NF1: variants seen among roughly 807,000 people sequenced by gnomAD.
NF1 encodes neurofibromin 1, also known as neurofibromin.
Under a neutral mutation model 325.7 loss-of-function variants are expected in NF1, and 122 were observed. The observed-to-expected ratio is 0.37, with a 90% CI of 0.32 to 0.44. The LOEUF (loss-of-function observed/expected upper bound fraction) is 0.44. NF1 is among the 20% of genes least tolerant of loss of function. The pLI is 1.00. For synonymous variants in NF1, 1,091 were observed against 1,186.0 expected (o/e 0.92, Z 1.65); for missense variants, 2,140 against 3,415.4 (o/e 0.63, Z 9.31).
intron 1 of NF1, among the ~76,000 whole-genome samples, chr17:31,108,197 T>C (rs888487076): frequency 1.9e-4 from 28 of 150,450 alleles, no homozygotes; most frequent in Non-Finnish European, 3.2e-4. Flanking sequence ...ACCAGTACAG[T>C]ATACCTATCA....
intron 2 of NF1, among the ~76,000 whole-genome samples, 191 bp from the exon 3 acceptor site, chr17:31,158,819 C>T (rs2065712514): frequency 6.6e-6 from 1 of 152,052 alleles, no homozygotes; most frequent in Non-Finnish European, 1.5e-5. Flanking sequence ...AATGCCATTT[C>T]TGTTTGCCTT....
At chr17:31,146,547 G>T (rs1323383894) in intron 1 of NF1, among the ~76,000 whole-genome samples, 1 of 152,180 alleles carries the variant, frequency 6.6e-6, no homozygotes, top group Non-Finnish European at 1.5e-5. Flanking sequence ...CTGCCCTCCT[G>T]CTGCAGGAGA....
intron 29 of NF1, among the ~76,000 whole-genome samples, chr17:31,240,796 T>G (rs2067283469): frequency 6.6e-6 from 1 of 152,182 alleles, no homozygotes; most frequent in African/African-American, 2.4e-5. Flanking sequence ...TGATATCTCA[T>G]TGTAGTTTTG....
Position 31,229,844 on chromosome 17 carries a change from A to G in NF1, c.2860A>G (p.Thr954Ala). 2 of 1,611,708 alleles carry G rather than the reference A, an allele frequency of 1.2e-6. No individual in the cohort carries two copies. The highest frequency in any genetic ancestry group is 1.7e-6 in the Non-Finnish European group (2 of 1,179,674). Residue 954 changes from threonine (T) to alanine (A), a missense_variant, in exon 22 of 58, where the codon ACT (threonine) becomes GCT (alanine). Physicochemically the swap from Thr to Ala is moderately conservative, Grantham distance 58. Transcript: ENST00000358273. ...TTTGTTCTTTCTTTAGGTTTTATTG[A>G]CTGATACCAATACTCAATTTGTAGA... ...FFDSQGQVLL[T>A]DTNTQFVEQT...
intron 31 of NF1, 156 bp downstream of exon 31, chr17:31,253,156 C>A: frequency 1.5e-6 from 1 of 645,594 alleles, no homozygotes; most frequent in South Asian, 1.8e-5. Flanking sequence ...TCAATTAACC[C>A]TGGAATTAAG....
rs897880244 is a variant in NF1 at position 31,337,348 on chromosome 17, G to A, written c.6428-20G>A. The A allele has an allele frequency of 6.4e-7, 1 of 1,571,976 alleles. No homozygotes were observed. Among genetic ancestry groups the A allele is most frequent in the African/African-American group, 1.3e-5 (1 of 74,194 alleles). ...AAAGTAATATTTTCTGTCTTTACTT[G>A]TTCCTTTATTCTCTTACAGAAGAGA... On this transcript the variant is annotated intron_variant, in intron 42 of 57. Transcript: ENST00000358273.
chr17:31,265,191 C>A, intron 35 of NF1, 38 bp from the exon 36 acceptor site: 1 of 1,376,810 alleles, frequency 7.3e-7, no homozygotes, highest in Non-Finnish European at 1.0e-6. Context: ...CAGTAGACAA[C>A]ATAAAGCCTC....
chr17:31,218,324 A>G (rs2066858744), intron 13 of NF1, among the ~76,000 whole-genome samples: 2 of 152,052 alleles, frequency 1.3e-5, no homozygotes, highest in South Asian at 2.1e-4. Flanking sequence ...TTTCATTAGG[A>G]TTTTCCCTGG....
Position 31,222,330 on chromosome 17 carries a change from C to T in NF1, c.1721+401C>T, listed in dbSNP as rs913835877. 6 of 1,038,170 alleles carry T rather than the reference C, an allele frequency of 5.8e-6. No individual in the cohort carries two copies. The African/African-American group carries it at 6.7e-5, about 12-fold the overall frequency. The allele number at this position is 1,038,170 out of a possible 1,614,324, so 64.3% of individuals were successfully genotyped here. A position where few individuals can be genotyped will look rare whatever the true frequency, so the allele number is the denominator to read the frequency against. ...ATCTTTCATAAACTTTCTGTAATAC[C>T]AATGCTTTCGATGAATGAATTAATA... On this transcript the variant is annotated intron_variant, in intron 15 of 57. Coordinates refer to ENST00000358273, the MANE Select transcript of NF1 (RefSeq NM_001042492.3).
At position 31,336,930 on chromosome 17, in the gene NF1, G is replaced by A. The variant is rs1370680461; in HGVS notation, c.6427+16G>A. The A allele has an allele frequency of 1.2e-6, 2 of 1,605,290 alleles. No homozygotes were observed. The highest frequency in any genetic ancestry group is 1.7e-5 in the Admixed American group (1 of 60,006). On this transcript the variant is annotated intron_variant, in intron 42 of 57. Transcript: ENST00000358273. The surrounding 1 kb of genome is among the most constrained non-coding windows in gnomAD (Gnocchi z 5.5). ...CATTTTAGTGGTAAGTTCTAGGAAAGGAATTTGTGTTTACCAGTTCCTTTC... is the reference window on the plus strand; with the variant it reads ...CATTTTAGTGGTAAGTTCTAGGAAAAGAATTTGTGTTTACCAGTTCCTTTC...
chr17:31,216,884 G>C (rs1454283870), intron 13 of NF1, among the ~76,000 whole-genome samples: 1 of 151,996 alleles, frequency 6.6e-6, no homozygotes, highest in Non-Finnish European at 1.5e-5. Flanking sequence ...CCTAGAATCT[G>C]CTTACTCTTA....
At chr17:31,207,909 G>T (rs2066652473) in intron 12 of NF1, among the ~76,000 whole-genome samples, 2 of 152,124 alleles carry the variant, frequency 1.3e-5, no homozygotes, top group Admixed American at 1.3e-4. Flanking sequence ...GGACTTGTTG[G>T]GGGGTTAATA....
chr17:31,103,630 G>A (rs1454147311), intron 1 of NF1, among the ~76,000 whole-genome samples: 1 of 152,126 alleles, frequency 6.6e-6, no homozygotes, highest in African/African-American at 2.4e-5. Context: ...CCAAAGTGCT[G>A]GGATTACAGA....
chr17:31,156,165 T>G lies in NF1; in HGVS notation c.204+39T>G, dbSNP rs539638966. Reference sequence around the variant, plus strand: ...TTACTGTGTTTTGGGGAATTTGCTTTCTTTTCTTTTTGATTAAAAAGTTTA... The same window carrying G: ...TTACTGTGTTTTGGGGAATTTGCTTGCTTTTCTTTTTGATTAAAAAGTTTA... On this transcript the variant is annotated intron_variant, in intron 2 of 57. Transcript: ENST00000358273. 54 of 1,610,562 alleles carry G rather than the reference T, an allele frequency of 3.4e-5. No homozygotes were observed. The South Asian group carries it at 5.8e-4, about 17-fold the overall frequency.
At chr17:31,301,554 C>G (rs1567882080) in intron 36 of NF1, among the ~76,000 whole-genome samples, 1 of 152,080 alleles carries the variant, frequency 6.6e-6, no homozygotes, top group Non-Finnish European at 1.5e-5. Flanking sequence ...AGTTAAAGAT[C>G]ACCCTCATCT....
In NF1 at chr17:31,139,375, GACACACACACACACACAC is replaced by G. The variant is rs58863782; in HGVS notation, c.61-16587_61-16570del. On this transcript the variant is annotated intron_variant, in intron 1 of 57. Coordinates refer to ENST00000358273, the MANE Select transcript of NF1 (RefSeq NM_001042492.3). ...TCTTAGATCTTAAATGTTTTACACAGACACACACACACACACACACACACACACACACACACACGGTAA... is the reference window on the plus strand; with the variant it reads ...TCTTAGATCTTAAATGTTTTACACAGACACACACACACACACACACGGTAA... 3.2e-3 allele frequency among the ~76,000 whole-genome samples: 455 copies of G among 144,172 alleles called. 1 individual carries two copies. Among genetic ancestry groups the G allele is most frequent in the Admixed American group, 0.016 (225 of 14,288 alleles). 94.6% of individuals were successfully genotyped at this position (144,172 alleles called of 152,430 possible). A position where few individuals can be genotyped will look rare whatever the true frequency, so the allele number is the denominator to read the frequency against.
intron 5 of NF1, among the ~76,000 whole-genome samples, chr17:31,176,496 A>T (rs993359534): frequency 2.6e-5 from 4 of 152,134 alleles, no homozygotes; most frequent in Non-Finnish European, 4.4e-5. Context: ...TGCTATGCAG[A>T]AGCTCTTTAG....
At chr17:31,302,743 G>GC (rs1192131252) in intron 36 of NF1, among the ~76,000 whole-genome samples, 1 of 152,100 alleles carries the variant, frequency 6.6e-6, no homozygotes, top group Non-Finnish European at 1.5e-5. Flanking sequence ...TACTCAGTAG[G>GC]CTGAGGCAGG....
At chr17:31,365,592 C>A (rs929850197) in intron 57 of NF1, among the ~76,000 whole-genome samples, 7 of 152,158 alleles carry the variant, frequency 4.6e-5, no homozygotes, top group African/African-American at 1.7e-4. Flanking sequence ...CTATAGTGCA[C>A]TGTAGAAAAT....
Sources: allele counts gnomAD v4.1 joint callset (sites outside exome capture counted in the v4.1 genomes callset), GRCh38; gene constraint gnomAD v4.1.1; non-coding constraint Gnocchi (gnomAD v3.1); transcripts MANE v1.5; gene names NCBI Gene and HGNC (gene_info 2026-07-23, HGNC 2026-07-21).